Variants in WDTC1 observed in about 807,000 individuals in gnomAD.
WDTC1 encodes WD and tetratricopeptide repeats 1, also known as WD and tetratricopeptide repeats protein 1.
Under a neutral mutation model 76.0 loss-of-function variants are expected in WDTC1, and 12 were observed. The ratio of observed to expected loss-of-function variants is 0.16; its 90% CI spans 0.10 to 0.26. WDTC1 has a LOEUF of 0.26. WDTC1 is among the 10% of genes least tolerant of loss of function. The pLI is 1.00. For missense variants in WDTC1, 511 were observed against 908.8 expected (o/e 0.56, Z 5.63); for synonymous variants, 326 against 350.8 (o/e 0.93, Z 0.79).
chr1:27,236,730 A>G (rs1466805017), intron 1 of WDTC1, among the ~76,000 whole-genome samples: 2 of 152,198 alleles, frequency 1.3e-5, no homozygotes, highest in African/African-American at 2.4e-5. Flanking sequence ...GAAAATCTTG[A>G]AGCCCACTGC....
At chr1:27,293,394 T>C (rs2013592684) in intron 7 of WDTC1, among the ~76,000 whole-genome samples, 1 of 145,298 alleles carries the variant, frequency 6.9e-6, no homozygotes, top group Admixed American at 6.9e-5. Flanking sequence ...ATCCTGCCAC[T>C]GCACTCCAGC....
intron 1 of WDTC1, among the ~76,000 whole-genome samples, chr1:27,259,269 C>G (rs1293055332): frequency 6.6e-6 from 1 of 151,810 alleles, no homozygotes; most frequent in African/African-American, 2.4e-5. Context: ...AAGTGATCTT[C>G]CGACCTCAGC....
intron 6 of WDTC1, among the ~76,000 whole-genome samples, chr1:27,289,113 G>T (rs1390120483): frequency 6.7e-6 from 1 of 148,972 alleles, no homozygotes; most frequent in African/African-American, 2.5e-5. Flanking sequence ...GGACGGGGCG[G>T]CTGGCTGGGC....
intron 4 of WDTC1, among the ~76,000 whole-genome samples, chr1:27,282,589 G>A (rs10902655): frequency 0.75 from 114,261 of 151,832 alleles, 43,692 homozygotes; most frequent in East Asian, 0.86. Flanking sequence ...TGCAACCTCC[G>A]CCTTTCAGGT....
chr1:27,263,732 A>G (rs1396450499), intron 3 of WDTC1, among the ~76,000 whole-genome samples: 1 of 152,110 alleles, frequency 6.6e-6, no homozygotes, highest in Admixed American at 6.6e-5. Context: ...CCTGGCCTTA[A>G]ATTATTTTTT....
intron 3 of WDTC1, among the ~76,000 whole-genome samples, chr1:27,276,513 T>A (rs921409888): frequency 6.6e-6 from 1 of 151,960 alleles, no homozygotes; most frequent in Non-Finnish European, 1.5e-5. Context: ...GCTAACACAG[T>A]GAAACCCCAT....
intron 7 of WDTC1, among the ~76,000 whole-genome samples, chr1:27,293,162 G>C (rs2013583598): frequency 6.6e-6 from 1 of 151,662 alleles, no homozygotes; most frequent in African/African-American, 2.4e-5. Context: ...GCCGGGCGTG[G>C]TGGCTCACGC....
rs1216095376 is a variant in WDTC1 at position 27,246,048 on chromosome 1, T to A, written c.-100+11097T>A. Among the ~76,000 whole-genome samples, 3 of 152,308 alleles carry A rather than the reference T, an allele frequency of 2.0e-5. No individual in the cohort carries two copies. The East Asian group carries it at 5.8e-4, about 29-fold the overall frequency. Reference sequence around the variant, plus strand: ...TCATTTTACAAACGGCAGAATAGACTGAGAGAGCAAAGGGTTTAAGGTATT... The same window carrying A: ...TCATTTTACAAACGGCAGAATAGACAGAGAGAGCAAAGGGTTTAAGGTATT... On this transcript the variant is annotated intron_variant, in intron 1 of 15. Coordinates refer to ENST00000319394, the MANE Select transcript of WDTC1 (RefSeq NM_001276252.2).
At chr1:27,238,998 C>CTTTTTT (rs61324262) in intron 1 of WDTC1, among the ~76,000 whole-genome samples, 1 of 91,686 alleles carries the variant, frequency 1.1e-5, no homozygotes, top group African/African-American at 3.7e-5. Context: ...CCGCTCCTGG[C>CTTTTTT]TTTTTTTTTT....
At chr1:27,288,732 A>G (rs974850388) in intron 6 of WDTC1, among the ~76,000 whole-genome samples, 2 of 151,602 alleles carry the variant, frequency 1.3e-5, no homozygotes, top group African/African-American at 4.8e-5. Flanking sequence ...CAAAATGAAA[A>G]GTCTCCCATG....
intron 1 of WDTC1, among the ~76,000 whole-genome samples, chr1:27,259,355 A>G (rs1021374783): frequency 2.1e-4 from 28 of 133,016 alleles, no homozygotes; most frequent in African/African-American, 7.2e-4. Flanking sequence ...TTTGGTATAG[A>G]TAAGGTCTCA....
At position 27,260,994 on chromosome 1, in the gene WDTC1, G is replaced by A; in HGVS notation, c.-61G>A. On this transcript the variant is annotated 5_prime_UTR_variant, in exon 2 of 16. Coordinates refer to ENST00000319394, the MANE Select transcript of WDTC1 (RefSeq NM_001276252.2). ...TATTTTGTGGACCTGGGCTTGGCTG[G>A]AATGCTCAGGGGTCCTGAAGATCCT... 6.3e-7 allele frequency: 1 copy of A among 1,580,298 alleles called. No individual in the cohort carries two copies. Among genetic ancestry groups the A allele is most frequent in the South Asian group, 1.1e-5 (1 of 88,140 alleles).
chr1:27,257,137 C>T (rs1481776533), intron 1 of WDTC1, among the ~76,000 whole-genome samples: 1 of 152,170 alleles, frequency 6.6e-6, no homozygotes, highest in Non-Finnish European at 1.5e-5. Context: ...GCTGGGATTA[C>T]AGGCGTGAGC....
chr1:27,267,313 C>T (rs2012707044), intron 3 of WDTC1, among the ~76,000 whole-genome samples: 1 of 150,966 alleles, frequency 6.6e-6, no homozygotes, highest in Non-Finnish European at 1.5e-5. Context: ...AGTGGCCAAT[C>T]TCGTCTCAGT....
intron 1 of WDTC1, among the ~76,000 whole-genome samples, chr1:27,260,056 G>A (rs544006630): frequency 1.3e-5 from 2 of 151,882 alleles, no homozygotes; most frequent in Non-Finnish European, 2.9e-5. Flanking sequence ...AGAGTAGTGA[G>A]ACTAAAAGCC....
chr1:27,303,926 T>TGACAAAGGTGAAGCCA lies in WDTC1; in HGVS notation c.1643+131_1643+132insGACAAAGGTGAAGCCA. On this transcript the variant is annotated intron_variant, in intron 14 of 15. Coordinates refer to ENST00000319394, the MANE Select transcript of WDTC1 (RefSeq NM_001276252.2). This position sits in a 1 kb window ranked among gnomAD's most constrained non-coding sequence, Gnocchi z 4.8. ...GCCTCTGTACCCTTGGGCAAATGGC[T>TGACAAAGGTGAAGCCA]TCACCTTTGTCAGCCTCTAAAGTTT... The TGACAAAGGTGAAGCCA allele has an allele frequency of 8.0e-7, 1 of 1,254,110 alleles. No homozygotes were observed. Among genetic ancestry groups the TGACAAAGGTGAAGCCA allele is most frequent in the Non-Finnish European group, 1.1e-6 (1 of 903,556 alleles). 77.7% of individuals were successfully genotyped at this position (1,254,110 alleles called of 1,614,324 possible). A position where few individuals can be genotyped will look rare whatever the true frequency, so the allele number is the denominator to read the frequency against.
Position 27,307,438 on chromosome 1 carries a change from C to T in WDTC1, c.*1055C>T, listed in dbSNP as rs1295897236. On this transcript the variant is annotated 3_prime_UTR_variant, in exon 16 of 16. Coordinates refer to ENST00000319394, the MANE Select transcript of WDTC1 (RefSeq NM_001276252.2). The surrounding 1 kb of genome is among the most constrained non-coding windows in gnomAD (Gnocchi z 4.1). ...TGGATGCAGCGATCAACCCACCACT[C>T]ACCAGGCCTCTCCTCCCCTCTGCCC... is the stretch of plus-strand genomic sequence containing the variant. 6.5e-6 allele frequency: 1 copy of T among 153,652 alleles called. No individual in the cohort carries two copies. The highest frequency in any genetic ancestry group is 1.5e-5 in the Non-Finnish European group (1 of 68,714). 9.5% of individuals were successfully genotyped at this position (153,652 alleles called of 1,614,324 possible). A position where few individuals can be genotyped will look rare whatever the true frequency, so the allele number is the denominator to read the frequency against.
rs767816442 is a variant in WDTC1, at chr1:27,301,423, G to A, written c.1430G>A (p.Arg477His). 5.6e-6 allele frequency: 9 copies of A among 1,613,780 alleles called. No homozygotes were observed. The highest frequency in any genetic ancestry group is 6.8e-6 in the Non-Finnish European group (8 of 1,180,024). The stretch of plus-strand genomic sequence containing the variant: ...AGCAGCGCTTGTGATGCATTGGGCC[G>A]CGACATCACAGCTGCCCTCTTCTCT... Reference protein sequence around the residue: ...AHSSACDALGRDITAALFSKN... With the variant: ...AHSSACDALGHDITAALFSKN... The change falls in exon 13 of 16, where the codon CGC (arginine) becomes CAC (histidine). Residue 477 changes from arginine (R) to histidine (H), a missense_variant. Physicochemically the swap from Arg to His is conservative, Grantham distance 29 (BLOSUM62 0). Coordinates refer to ENST00000319394, the MANE Select transcript of WDTC1 (RefSeq NM_001276252.2). The surrounding 1 kb of genome is among the most constrained non-coding windows in gnomAD (Gnocchi z 5.8).
intron 3 of WDTC1, among the ~76,000 whole-genome samples, chr1:27,270,274 T>G (rs1336443889): frequency 3.3e-5 from 5 of 152,158 alleles, no homozygotes; most frequent in Non-Finnish European, 7.3e-5. Context: ...GAAGAATAGA[T>G]TGCAGGTGTT....
Sources: gnomAD v4.1 joint callset for allele counts (sites outside exome capture counted in the v4.1 genomes callset) on GRCh38, gnomAD v4.1.1 for gene constraint, Gnocchi (gnomAD v3.1) non-coding constraint, MANE v1.5 for transcripts, NCBI Gene and HGNC (gene_info 2026-07-23, HGNC 2026-07-21) for gene names.